The following TRPM3 variants were observed in gnomAD, a reference collection of about 807,000 sequenced individuals.
TRPM3 encodes the protein transient receptor potential cation channel subfamily M member 3, also known as long transient receptor potential channel 3.
TRPM3 carries 77 observed loss-of-function variants against 181.2 expected under a neutral mutation model. That is an observed-to-expected ratio of 0.42 (90% CI 0.35 to 0.51). The LOEUF is 0.51. Ranked by LOEUF, TRPM3 falls within the 20% of genes least tolerant of loss-of-function variation. The pLI, the probability that TRPM3 is intolerant of heterozygous loss-of-function variation, is 0.01. For synonymous variants in TRPM3, 745 were observed against 796.4 expected (o/e 0.94, Z 1.09); for missense variants, 1,759 against 2,196.7 (o/e 0.80, Z 3.98).
At chr9:71,258,548 A>G (rs966098939) in intron 1 of TRPM3, among the ~76,000 whole-genome samples, 33 of 152,280 alleles carry the variant, frequency 2.2e-4, no homozygotes, top group African/African-American at 7.5e-4. Flanking sequence ...ATTACTTCGT[A>G]TTTACCTGTG....
At chr9:71,083,128 C>T (rs1047544806) in intron 1 of TRPM3, among the ~76,000 whole-genome samples, 2 of 151,868 alleles carry the variant, frequency 1.3e-5, no homozygotes, top group African/African-American at 2.4e-5. Flanking sequence ...GCCTGAATTC[C>T]AAGTGAATCT....
At chr9:71,408,661 C>T (rs577598530) in intron 1 of TRPM3, among the ~76,000 whole-genome samples, 5 of 152,256 alleles carry the variant, frequency 3.3e-5, no homozygotes, top group Admixed American at 1.3e-4. Context: ...GAGAATGGAA[C>T]CAAGTTGGAA....
chr9:70,878,044 G>A (rs1198632674), intron 1 of TRPM3, among the ~76,000 whole-genome samples: 1 of 151,752 alleles, frequency 6.6e-6, no homozygotes, highest in East Asian at 1.9e-4. Flanking sequence ...ATTAAATACT[G>A]ACTTGACTTG....
At chr9:71,024,126 T>C (rs1204271531) in intron 1 of TRPM3, among the ~76,000 whole-genome samples, 1 of 152,214 alleles carries the variant, frequency 6.6e-6, no homozygotes, top group Non-Finnish European at 1.5e-5. Context: ...CGAGATCTTT[T>C]CATATTATTT....
intron 6 of TRPM3, among the ~76,000 whole-genome samples, chr9:70,789,821 CATAAG>C (rs1474539380): frequency 6.6e-6 from 1 of 152,214 alleles, no homozygotes; most frequent in Non-Finnish European, 1.5e-5. Flanking sequence ...TAAGTCCTTG[CATAAG>C]ATAACCTCTT....
intron 1 of TRPM3, among the ~76,000 whole-genome samples, chr9:71,137,318 G>A (rs1201739498): frequency 6.6e-6 from 1 of 151,952 alleles, no homozygotes; most frequent in Non-Finnish European, 1.5e-5. Context: ...TTTGTATATC[G>A]CTTCTCCCTT....
intron 1 of TRPM3, among the ~76,000 whole-genome samples, chr9:71,213,061 C>T (rs976263377): frequency 6.6e-6 from 1 of 152,112 alleles, no homozygotes; most frequent in African/African-American, 2.4e-5. Context: ...ATCCACAAAT[C>T]AGGTGTCCAC....
At chr9:70,608,131 C>T (rs2061482444) in intron 19 of TRPM3, among the ~76,000 whole-genome samples, 1 of 152,214 alleles carries the variant, frequency 6.6e-6, no homozygotes, top group Non-Finnish European at 1.5e-5. Flanking sequence ...ACCTCACTTC[C>T]GTTTTCTGTA....
intron 1 of TRPM3, among the ~76,000 whole-genome samples, chr9:70,889,198 T>C (rs2096149326): frequency 6.6e-6 from 1 of 152,150 alleles, no homozygotes; most frequent in African/African-American, 2.4e-5. Context: ...GTCAAGCCCA[T>C]ATGGGACAAA....
intron 5 of TRPM3, among the ~76,000 whole-genome samples, chr9:70,842,477 T>G (rs1227120208): frequency 6.6e-6 from 1 of 152,182 alleles, no homozygotes; most frequent in Non-Finnish European, 1.5e-5. Flanking sequence ...TAAGACCAAT[T>G]AATTCTTCGC....
chr9:71,209,141 T>C (rs2079313320), intron 1 of TRPM3, among the ~76,000 whole-genome samples: 1 of 152,176 alleles, frequency 6.6e-6, no homozygotes, highest in South Asian at 2.1e-4. Flanking sequence ...TTATATTATG[T>C]ACCATGATTG....
At chr9:71,032,052 T>TATA (rs1368009427) in intron 1 of TRPM3, among the ~76,000 whole-genome samples, 3 of 4,748 alleles carry the variant, frequency 6.3e-4, no homozygotes, top group African/African-American at 1.2e-3. Flanking sequence ...ATATATATTA[T>TATA]ATATATTATA....
intron 22 of TRPM3, among the ~76,000 whole-genome samples, chr9:70,569,169 G>T (rs2051479060): frequency 6.6e-6 from 1 of 152,160 alleles, no homozygotes; most frequent in Admixed American, 6.5e-5. Context: ...CAGCCTCAAA[G>T]ACTCAATGTA....
At chr9:71,204,922 A>T (rs1411063721) in intron 1 of TRPM3, among the ~76,000 whole-genome samples, 1 of 152,204 alleles carries the variant, frequency 6.6e-6, no homozygotes, top group Non-Finnish European at 1.5e-5. Flanking sequence ...AGGGACATGG[A>T]TGAAGCCAGA....
chr9:71,331,860 C>G (rs202012371), intron 1 of TRPM3, among the ~76,000 whole-genome samples: 66 of 1,038 alleles, frequency 0.064, no homozygotes, highest in South Asian at 0.083. Flanking sequence ...GAAGAGGAGA[C>G]GGAGGAGGAG....
At chr9:70,915,886 G>C (rs1254789656) in intron 1 of TRPM3, among the ~76,000 whole-genome samples, 1 of 152,098 alleles carries the variant, frequency 6.6e-6, no homozygotes, top group Non-Finnish European at 1.5e-5. Context: ...CCAAGTACAA[G>C]AAGGTTACAG....
At chr9:70,908,931 T>C (rs2096503768) in intron 1 of TRPM3, among the ~76,000 whole-genome samples, 2 of 152,180 alleles carry the variant, frequency 1.3e-5, no homozygotes, top group Non-Finnish European at 2.9e-5. Context: ...ACAACAAAAC[T>C]ACCGCATCTT....
chr9:70,965,203 G>T (rs957352068), intron 1 of TRPM3, among the ~76,000 whole-genome samples: 2 of 151,904 alleles, frequency 1.3e-5, no homozygotes, highest in Non-Finnish European at 2.9e-5. Context: ...TGGTGCATCA[G>T]TCAGAAGGCC....
intron 1 of TRPM3, among the ~76,000 whole-genome samples, chr9:70,884,039 G>A (rs1205839576): frequency 1.3e-5 from 2 of 151,830 alleles, no homozygotes; most frequent in Non-Finnish European, 2.9e-5. Context: ...GATGTCCCAA[G>A]GTTTTTTTTT....
Sources: allele counts gnomAD v4.1 joint callset (sites outside exome capture counted in the v4.1 genomes callset), GRCh38; gene constraint gnomAD v4.1.1; transcripts MANE v1.5; gene names NCBI Gene and HGNC (gene_info 2026-07-23, HGNC 2026-07-21).